Variants in PTPRU observed in about 807,000 individuals in gnomAD.
The protein encoded by PTPRU is receptor-type tyrosine-protein phosphatase U.
A neutral mutation model predicts 166.3 loss-of-function variants in PTPRU; 69 were observed. The ratio of observed to expected loss-of-function variants is 0.41; its 90% confidence interval spans 0.34 to 0.51. PTPRU has a LOEUF of 0.51. Among genes scored for constraint, PTPRU ranks in the 20% least tolerant of loss-of-function variants. The pLI is 0.09. For missense variants in PTPRU, 1,657 were observed against 2,013.7 expected, an observed-to-expected ratio of 0.82 and a Z score of 3.39; for synonymous variants, 793 against 814.0, an observed-to-expected ratio of 0.97 and a Z score of 0.44.
chr1:29,321,923 T>C, intron 26 of PTPRU, among the ~76,000 whole-genome samples: 1 of 152,332 alleles, frequency 6.6e-6, no homozygotes, highest in East Asian at 1.9e-4. Flanking sequence ...GAAGTACAGA[T>C]ACCCAGCCTT....
chr1:29,312,665 C>A lies in PTPRU; in HGVS notation c.3186C>A (p.Ala1062=). ...TGGCTTTCATCCGGCGCGTGAAGGC[C>A]TCCACCCCACCTGATGCCGGGCCCA... ...GLLAFIRRVK[A]STPPDAGPIV... Residue 1062 remains alanine, a synonymous_variant, in exon 22 of 30, where the codon GCC becomes GCA. Transcript: ENST00000373779. 1 of 1,610,866 alleles carries A rather than the reference C, an allele frequency of 6.2e-7. No homozygotes were observed. Among genetic ancestry groups the A allele is most frequent in the Non-Finnish European group, 8.5e-7 (1 of 1,177,756 alleles).
At chr1:29,287,918 A>T (rs1686434740) in intron 14 of PTPRU, among the ~76,000 whole-genome samples, 1 of 152,054 alleles carries the variant, frequency 6.6e-6, no homozygotes, top group East Asian at 1.9e-4. Context: ...GGTTCAAGTG[A>T]TTCTCCTGCC....
chr1:29,294,860 C>T (rs1174810466), intron 15 of PTPRU, among the ~76,000 whole-genome samples: 4 of 152,182 alleles, frequency 2.6e-5, no homozygotes, highest in African/African-American at 9.7e-5. Flanking sequence ...TCGCACACCC[C>T]ATTTCTACAG....
At position 29,320,961 on chromosome 1, in the gene PTPRU, C is replaced by A. The variant is rs1047865499; in HGVS notation, c.3828+136C>A. 8.0e-6 allele frequency: 8 copies of A among 994,490 alleles called. No homozygotes were observed. In the Admixed American group the frequency reaches 1.1e-4, roughly 13 times the overall value. 61.6% of individuals were successfully genotyped at this position (994,490 alleles called of 1,614,324 possible). On this transcript the variant is annotated intron_variant, in intron 26 of 29. Coordinates refer to ENST00000373779, the MANE Select transcript of PTPRU (RefSeq NM_133178.4). The surrounding 1 kb of genome is among the most constrained non-coding windows in gnomAD (Gnocchi z 5.2). ...ATTGTGTGATGAATCATACACCTTCCCAGAGCCTCAGTTTCTTCATCTGTA... is the reference window on the plus strand; with the variant it reads ...ATTGTGTGATGAATCATACACCTTCACAGAGCCTCAGTTTCTTCATCTGTA...
intron 1 of PTPRU, among the ~76,000 whole-genome samples, chr1:29,241,580 TTTCTTC>T (rs369661546): frequency 9.2e-4 from 137 of 149,090 alleles, no homozygotes; most frequent in African/African-American, 2.3e-3. Context: ...ATTTTTTTTT[TTTCTTC>T]TTCTTCTTCT....
chr1:29,310,564 C>A (rs1193042539), intron 18 of PTPRU, among the ~76,000 whole-genome samples, 180 bp from the exon 19 acceptor site: 1 of 152,112 alleles, frequency 6.6e-6, no homozygotes, highest in Non-Finnish European at 1.5e-5. Flanking sequence ...CTGTACTTCT[C>A]CACTTCCTTG....
chr1:29,264,426 G>T (rs1295171672), intron 7 of PTPRU, among the ~76,000 whole-genome samples: 4 of 151,666 alleles, frequency 2.6e-5, no homozygotes, highest in African/African-American at 9.7e-5. Flanking sequence ...TAGTTTTATA[G>T]TGTCAGCTAT....
At chr1:29,243,652 G>A (rs959359187) in intron 1 of PTPRU, among the ~76,000 whole-genome samples, 2 of 152,306 alleles carry the variant, frequency 1.3e-5, no homozygotes, top group African/African-American at 2.4e-5. Flanking sequence ...CATAGTGGAC[G>A]TCTGACAATG....
chr1:29,307,937 T>G (rs1283636453), intron 18 of PTPRU, among the ~76,000 whole-genome samples: 2 of 151,878 alleles, frequency 1.3e-5, no homozygotes. Context: ...ATTTTTGTAT[T>G]TTTAGTAGAG....
chr1:29,242,058 A>AT (rs1032523750), intron 1 of PTPRU, among the ~76,000 whole-genome samples: 1 of 151,442 alleles, frequency 6.6e-6, no homozygotes. Flanking sequence ...TGCCTGGCTA[A>AT]TTTTTGTATT....
intron 15 of PTPRU, among the ~76,000 whole-genome samples, chr1:29,303,124 T>C (rs938763640): frequency 6.6e-6 from 1 of 152,136 alleles, no homozygotes; most frequent in Non-Finnish European, 1.5e-5. Flanking sequence ...ATTAAATGAG[T>C]GAGTGGGCGT....
chr1:29,317,951 G>T lies in PTPRU; in HGVS notation c.3687+30G>T. The T allele has an allele frequency of 6.2e-7, 1 of 1,610,464 alleles. No individual in the cohort carries two copies. Among genetic ancestry groups the T allele is most frequent in the Admixed American group, 1.7e-5 (1 of 59,872 alleles). ...GAGCTTGGGGTGGAGTGGGCTCTGGGGCTCCCCTTCCCAGCAGCATCAGGG... is the reference window on the plus strand; with the variant it reads ...GAGCTTGGGGTGGAGTGGGCTCTGGTGCTCCCCTTCCCAGCAGCATCAGGG... On this transcript the variant is annotated intron_variant, in intron 25 of 29. Transcript: ENST00000373779. The surrounding 1 kb of genome is among the most constrained non-coding windows in gnomAD (Gnocchi z 5.6).
At chr1:29,266,510 T>G (rs1463866584) in intron 7 of PTPRU, among the ~76,000 whole-genome samples, 1 of 152,170 alleles carries the variant, frequency 6.6e-6, no homozygotes, top group Non-Finnish European at 1.5e-5. Context: ...TCTGGTTTAA[T>G]GTCACACTTT....
intron 11 of PTPRU, among the ~76,000 whole-genome samples, chr1:29,282,187 G>A (rs959494591): frequency 6.6e-6 from 1 of 152,234 alleles, no homozygotes; most frequent in Admixed American, 6.5e-5. Context: ...AGGGCTCATA[G>A]TCTGAGCTCA....
chr1:29,290,363 G>A lies in PTPRU; in HGVS notation c.2319-1506G>A, dbSNP rs780312572. Among the ~76,000 whole-genome samples the A allele has an allele frequency of 3.3e-5, 5 of 152,222 alleles. No homozygotes were observed. The South Asian group carries it at 1.0e-3, about 31-fold the overall frequency. ...CCCACTTTACTGATGAGGAAACTGA[G>A]GCTCAGAGAGACCAAGGGAGTTGTG... On this transcript the variant is annotated intron_variant, in intron 14 of 29. Transcript: ENST00000373779.
chr1:29,303,622 G>A (rs992098346), intron 15 of PTPRU, among the ~76,000 whole-genome samples: 2 of 152,170 alleles, frequency 1.3e-5, no homozygotes, highest in African/African-American at 2.4e-5. Flanking sequence ...AAGGGCCCTC[G>A]GAGGCCACCT....
At position 29,279,428 on chromosome 1, in the gene PTPRU, C is replaced by T; in HGVS notation, c.1564-28C>T. ...TCAGGGATGCTCTGACCATCCAGTG[C>T]CCACCTGCCTGCCAATCCTGCCCCC... On this transcript the variant is annotated intron_variant, in intron 9 of 29. Transcript: ENST00000373779. The surrounding 1 kb of genome is among the most constrained non-coding windows in gnomAD (Gnocchi z 5.2). 1.2e-6 allele frequency: 2 copies of T among 1,604,950 alleles called. No individual in the cohort carries two copies. The highest frequency in any genetic ancestry group is 1.3e-5 in the African/African-American group (1 of 74,794).
chr1:29,293,823 G>A (rs1165075455), intron 15 of PTPRU, among the ~76,000 whole-genome samples: 4 of 152,212 alleles, frequency 2.6e-5, no homozygotes, highest in African/African-American at 9.6e-5. Flanking sequence ...ACAACGCATT[G>A]TATAGTTTTG....
Position 29,260,111 on chromosome 1 carries a change from G to A in PTPRU, c.850+67G>A, listed in dbSNP as rs1684984063. On this transcript the variant is annotated intron_variant, in intron 6 of 29. Transcript: ENST00000373779. The surrounding 1 kb of genome is among the most constrained non-coding windows in gnomAD (Gnocchi z 8.3). ...GAGGGGCGGGGCCGGCGACGGGGGCGGGCTCTGCCCGGGGGCGTGGCCGTG... is the reference window on the plus strand; with the variant it reads ...GAGGGGCGGGGCCGGCGACGGGGGCAGGCTCTGCCCGGGGGCGTGGCCGTG... 5.2e-6 allele frequency: 7 copies of A among 1,336,568 alleles called. No homozygotes were observed. Among genetic ancestry groups the A allele is most frequent in the Non-Finnish European group, 6.7e-6 (7 of 1,045,374 alleles). The allele number at this position is 1,336,568 out of a possible 1,614,324, so 82.8% of individuals were successfully genotyped here. A position where few individuals can be genotyped will look rare whatever the true frequency, so the allele number is the denominator to read the frequency against.
Sources: gnomAD v4.1 joint callset for allele counts (sites outside exome capture counted in the v4.1 genomes callset) on GRCh38, gnomAD v4.1.1 for gene constraint, Gnocchi (gnomAD v3.1) non-coding constraint, MANE v1.5 for transcripts, NCBI Gene and HGNC (gene_info 2026-07-23, HGNC 2026-07-21) for gene names.